The following AMBRA1 variants were observed in gnomAD, a reference collection of about 807,000 sequenced individuals.
The protein encoded by AMBRA1 is activating molecule in BECN1-regulated autophagy protein 1.
A neutral mutation model predicts 125.4 loss-of-function variants in AMBRA1; 47 were observed. That is an observed-to-expected ratio of 0.37 (90% CI 0.30 to 0.48). The LOEUF is 0.48. Ranked by LOEUF, AMBRA1 falls within the 20% of genes least tolerant of loss-of-function variation. The pLI is 0.99. For synonymous variants in AMBRA1, 626 were observed against 655.5 expected, an observed-to-expected ratio of 0.95 and a Z score of 0.69; for missense variants, 1,331 against 1,693.4, an observed-to-expected ratio of 0.79 and a Z score of 3.76.
At chr11:46,400,107 C>G (rs1334633399) in intron 17 of AMBRA1, among the ~76,000 whole-genome samples, 1 of 152,158 alleles carries the variant, frequency 6.6e-6, no homozygotes, top group Admixed American at 6.5e-5. Flanking sequence ...TTCCAGCTTT[C>G]TGCTCAGCTC....
At chr11:46,508,138 A>G in intron 9 of AMBRA1, 53 bp downstream of exon 9, 2 of 1,589,514 alleles carry the variant, frequency 1.3e-6, no homozygotes, top group Non-Finnish European at 1.7e-6. Context: ...CCAACTTGGA[A>G]GCACTCCAAG....
intron 11 of AMBRA1, among the ~76,000 whole-genome samples, chr11:46,460,385 A>T (rs937622520): frequency 6.6e-6 from 1 of 151,584 alleles, no homozygotes; most frequent in Non-Finnish European, 1.5e-5. Context: ...ACAGTGGCGC[A>T]ATCTTGGCTC....
At chr11:46,510,494 T>G (rs1165255554) in intron 8 of AMBRA1, among the ~76,000 whole-genome samples, 5 of 152,316 alleles carry the variant, frequency 3.3e-5, no homozygotes. Flanking sequence ...AAGAAGACCC[T>G]TTTATTTGGA....
chr11:46,579,529 A>G (rs2044098744), intron 1 of AMBRA1, among the ~76,000 whole-genome samples: 1 of 152,228 alleles, frequency 6.6e-6, no homozygotes, highest in African/African-American at 2.4e-5. Flanking sequence ...TAAAAAGGCC[A>G]GAGAATCATT....
rs376218287 is a variant in AMBRA1, at chr11:46,573,737, A to G, written c.-121+20091T>C. ...TTGTGCAGGTTAGTTACATATGTAT[A>G]CATGTGCCATGCTGGTGCGCTGCAC... On this transcript the variant is annotated intron_variant, in intron 1 of 17. Coordinates refer to ENST00000683756, the MANE Select transcript of AMBRA1 (RefSeq NM_001387011.1). Among the ~76,000 whole-genome samples, 716 of 149,774 alleles carry G rather than the reference A, an allele frequency of 4.8e-3. 7 individuals are homozygous for G. The highest frequency in any genetic ancestry group is 0.038 in the South Asian group (181 of 4,714).
chr11:46,533,284 C>A (rs75217035), intron 7 of AMBRA1, among the ~76,000 whole-genome samples: 7,529 of 152,240 alleles, frequency 0.049, 581 homozygotes, highest in African/African-American at 0.16. Flanking sequence ...TGAGCAGTGG[C>A]TTTAAGAGGA....
At chr11:46,583,380 C>A (rs1367719003) in intron 1 of AMBRA1, among the ~76,000 whole-genome samples, 1 of 151,546 alleles carries the variant, frequency 6.6e-6, no homozygotes, top group Non-Finnish European at 1.5e-5. Context: ...AAACGTTAGA[C>A]CTAAAACCAT....
chr11:46,532,195 C>T (rs1952247406), intron 7 of AMBRA1, among the ~76,000 whole-genome samples: 1 of 152,094 alleles, frequency 6.6e-6, no homozygotes, highest in African/African-American at 2.4e-5. Context: ...TTTTTCCAAT[C>T]ACTTAATAAG....
At chr11:46,489,432 C>T (rs1950388122) in intron 11 of AMBRA1, among the ~76,000 whole-genome samples, 1 of 152,178 alleles carries the variant, frequency 6.6e-6, no homozygotes, top group Admixed American at 6.5e-5. Flanking sequence ...GCGTGAGCCA[C>T]CGCACCTGGC....
chr11:46,523,253 TG>T (rs1313928828), intron 7 of AMBRA1, among the ~76,000 whole-genome samples: 1 of 152,204 alleles, frequency 6.6e-6, no homozygotes, highest in African/African-American at 2.4e-5. Context: ...CCTCTGGGGA[TG>T]TACTACTTGC....
chr11:46,428,543 T>C (rs775151358), intron 14 of AMBRA1: 3 of 983,294 alleles, frequency 3.1e-6, no homozygotes, highest in Non-Finnish European at 4.6e-6. Flanking sequence ...CTCTAGGATC[T>C]GCAGCGATTA....
intron 1 of AMBRA1, among the ~76,000 whole-genome samples, chr11:46,573,335 C>G (rs1007587130): frequency 6.6e-6 from 1 of 151,366 alleles, no homozygotes; most frequent in Non-Finnish European, 1.5e-5. Flanking sequence ...ACCCGGAGGG[C>G]AGAGGTTGCA....
Position 46,503,918 on chromosome 11 carries a change from C to T in AMBRA1, c.2339+4273G>A, listed in dbSNP as rs143484768. On this transcript the variant is annotated intron_variant, in intron 9 of 17. Coordinates refer to ENST00000683756, the MANE Select transcript of AMBRA1 (RefSeq NM_001387011.1). ...CTCACTATGTTGCCCAGGCTGGTCTCGAACTCCTGGGCTCAAGCAATCCTC... is the reference window on the plus strand; with the variant it reads ...CTCACTATGTTGCCCAGGCTGGTCTTGAACTCCTGGGCTCAAGCAATCCTC... 7.6e-3 allele frequency among the ~76,000 whole-genome samples: 1,151 copies of T among 152,238 alleles called. 22 individuals carry two copies. The highest frequency in any genetic ancestry group is 0.026 in the African/African-American group (1,083 of 41,536).
In AMBRA1 at chr11:46,547,286, C is replaced by G; in HGVS notation, c.205G>C (p.Ala69Pro). ...ATATTATGGTTCACATGGGTGGAGG[C>G]TAAGAGAGTCCTAGAAAATCAAAGA... ...LAFSPDRTLL[A>P]STHVNHNIYI... The change falls in exon 4 of 18, where the codon GCC (alanine) becomes CCC (proline). Residue 69 changes from alanine to proline, a missense_variant. Around this residue, in one of 4 missense-constraint regions of AMBRA1, gnomAD observed 144 missense variants for 250.4 expected, o/e 0.58. Coordinates refer to ENST00000683756, the MANE Select transcript of AMBRA1 (RefSeq NM_001387011.1). 6.2e-7 allele frequency: 1 copy of G among 1,606,838 alleles called. No homozygotes were observed. Among genetic ancestry groups the G allele is most frequent in the Non-Finnish European group, 8.5e-7 (1 of 1,177,602 alleles).
intron 1 of AMBRA1, among the ~76,000 whole-genome samples, chr11:46,563,046 C>T (rs2043391090): frequency 6.6e-6 from 1 of 151,526 alleles, no homozygotes; most frequent in Admixed American, 6.6e-5. Context: ...GATCTGCCTG[C>T]CTTGCCATCC....
At chr11:46,567,462 G>A (rs1455594146) in intron 1 of AMBRA1, among the ~76,000 whole-genome samples, 3 of 152,136 alleles carry the variant, frequency 2.0e-5, no homozygotes, top group African/African-American at 7.2e-5. Flanking sequence ...CACCACCCGA[G>A]TTCAAGCAGT....
chr11:46,492,049 T>C (rs1373908563), intron 11 of AMBRA1, among the ~76,000 whole-genome samples: 1 of 152,106 alleles, frequency 6.6e-6, no homozygotes, highest in Non-Finnish European at 1.5e-5. Context: ...GGCAGCAAGT[T>C]ATTATCTGCC....
chr11:46,467,608 G>A (rs146066841), intron 11 of AMBRA1, among the ~76,000 whole-genome samples: 2,778 of 150,506 alleles, frequency 0.018, 96 homozygotes, highest in African/African-American at 0.065. Flanking sequence ...GAGTGCACTG[G>A]CACGATCTCA....
At chr11:46,544,545 A>G (rs929120544) in intron 5 of AMBRA1, among the ~76,000 whole-genome samples, 1 of 152,240 alleles carries the variant, frequency 6.6e-6, no homozygotes, top group Non-Finnish European at 1.5e-5. Flanking sequence ...ACTTTAATAC[A>G]GACAATATGT....
Sources: gnomAD v4.1 joint callset for allele counts (sites outside exome capture counted in the v4.1 genomes callset) on GRCh38, gnomAD v4.1.1 for gene constraint, gnomAD v4.1.1 regional missense constraint, MANE v1.5 for transcripts, NCBI Gene and HGNC (gene_info 2026-07-23, HGNC 2026-07-21) for gene names.